Variants in VPS33B observed in about 807,000 individuals in gnomAD.
VPS33B encodes VPS33B late endosome and lysosome associated, also known as vacuolar protein sorting-associated protein 33B.
VPS33B carries 80 observed loss-of-function variants against 95.3 expected under a neutral mutation model. The observed-to-expected ratio is 0.84, with a 90% CI of 0.70 to 1.01. VPS33B has a LOEUF of 1.01. Among genes scored for constraint, VPS33B ranks in the 50% least tolerant of loss-of-function variants. The pLI is 0.00. For missense variants in VPS33B, 715 were observed against 773.4 expected, an observed-to-expected ratio of 0.92 and a Z score of 0.90; for synonymous variants, 280 against 280.4, an observed-to-expected ratio of 1.00 and a Z score of 0.01.
chr15:91,005,546 A>C lies in VPS33B; in HGVS notation c.1031-92T>G. The stretch of plus-strand genomic sequence containing the variant: ...AGAATAAAAAACCTCCTAAGGCAAA[A>C]TCCGAAAGCACTTCTTCCCACTTTA... On this transcript the variant is annotated intron_variant, in intron 13 of 22. Transcript: ENST00000333371. The surrounding 1 kb of genome is among the most constrained non-coding windows in gnomAD (Gnocchi z 6.4). 6.3e-7 allele frequency: 1 copy of C among 1,596,266 alleles called. No homozygotes were observed. Among genetic ancestry groups the C allele is most frequent in the Non-Finnish European group, 8.6e-7 (1 of 1,164,092 alleles).
At position 90,999,168 on chromosome 15, in the gene VPS33B, GAC is replaced by G; in HGVS notation, c.1775-116_1775-115del. The G allele has an allele frequency of 3.1e-6, 3 of 954,184 alleles. No individual in the cohort carries two copies. The highest frequency in any genetic ancestry group is 5.0e-6 in the Non-Finnish European group (3 of 602,844). The allele number at this position is 954,184 out of a possible 1,614,324, so 59.1% of individuals were successfully genotyped here. ...CACGGGATCACAGCACCAGTTTATA[GAC>G]AGAGACGTGAGTGCCATGCTCTTGG... On this transcript the variant is annotated intron_variant, in intron 22 of 22. Transcript: ENST00000333371. This position sits in a 1 kb window ranked among gnomAD's most constrained non-coding sequence, Gnocchi z 5.1.
intron 1 of VPS33B, 33 bp downstream of exon 1, chr15:91,022,121 T>C (rs750522986): frequency 6.4e-7 from 1 of 1,550,828 alleles, no homozygotes; most frequent in Non-Finnish European, 8.7e-7. Flanking sequence ...TGCTAAACTG[T>C]AGATGCGATA....
chr15:91,016,008 C>G (rs1037088004), intron 3 of VPS33B, among the ~76,000 whole-genome samples: 1 of 152,056 alleles, frequency 6.6e-6, no homozygotes, highest in Non-Finnish European at 1.5e-5. Context: ...AACAGCTGTA[C>G]ATGACTACAT....
At position 91,003,039 on chromosome 15, in the gene VPS33B, C is replaced by G. The variant is rs199728723; in HGVS notation, c.1272+46G>C. The G allele has an allele frequency of 8.7e-6, 14 of 1,607,518 alleles. No homozygotes were observed. The East Asian group carries it at 3.1e-4, about 36-fold the overall frequency. On this transcript the variant is annotated intron_variant, in intron 17 of 22. Coordinates refer to ENST00000333371, the MANE Select transcript of VPS33B (RefSeq NM_018668.5). ...TGCCTCTTTCAAAAATGCCCAATAA[C>G]TGCCCTCCATCAAGTTCCCTCAAGA... is the stretch of plus-strand genomic sequence containing the variant.
At chr15:91,016,599 G>GTC (rs1280304972) in intron 3 of VPS33B, among the ~76,000 whole-genome samples, 1 of 151,904 alleles carries the variant, frequency 6.6e-6, no homozygotes, top group Non-Finnish European at 1.5e-5. Context: ...AGCTAGGCTG[G>GTC]TCTCTATCTC....
rs1299531768 is a variant in VPS33B, at chr15:91,000,606, G to T, written c.1480-15C>A. The stretch of plus-strand genomic sequence containing the variant: ...ACACGTGGGATCTGTAAGACAAAGG[G>T]ACTTCATTAGGCAAGTGACAGCTCA... On this transcript the variant is annotated splice_polypyrimidine_tract_variant and intron_variant, in intron 19 of 22. Coordinates refer to ENST00000333371, the MANE Select transcript of VPS33B (RefSeq NM_018668.5). This position sits in a 1 kb window ranked among gnomAD's most constrained non-coding sequence, Gnocchi z 4.9. 1 of 1,609,526 alleles carries T rather than the reference G, an allele frequency of 6.2e-7. No individual in the cohort carries two copies. Among genetic ancestry groups the T allele is most frequent in the East Asian group, 2.2e-5 (1 of 44,692 alleles).
Position 91,004,772 on chromosome 15 carries a change from T to C in VPS33B, c.1225+105A>G, listed in dbSNP as rs1596355046. The C allele has an allele frequency of 1.9e-5, 25 of 1,306,478 alleles. No homozygotes were observed. In the East Asian group the frequency reaches 5.8e-4, roughly 30 times the overall value. 80.9% of individuals were successfully genotyped at this position (1,306,478 alleles called of 1,614,324 possible). A position where few individuals can be genotyped will look rare whatever the true frequency, so the allele number is the denominator to read the frequency against. ...GAATCCATTAAATTACAGGGAAACA[T>C]TCTGTTTGCTAAGACATTTGCCTTA... On this transcript the variant is annotated intron_variant, in intron 16 of 22. Transcript: ENST00000333371.
In VPS33B at chr15:91,022,167, T is replaced by C. The variant is rs1406261261; in HGVS notation, c.83A>G (p.Tyr28Cys). 4.5e-6 allele frequency: 7 copies of C among 1,565,506 alleles called. No individual in the cohort carries two copies. Among genetic ancestry groups the C allele is most frequent in the South Asian group, 1.2e-5 (1 of 85,308 alleles). ...LKRLARDQLI[Y>C]LLEQLPGKKD... Reference sequence around the variant, plus strand: ...GCAAGCACTGACCTGCTCCAGCAGATAGATGAGCTGGTCTCGAGCCAGCCT... The same window carrying C: ...GCAAGCACTGACCTGCTCCAGCAGACAGATGAGCTGGTCTCGAGCCAGCCT... The change falls in exon 1 of 23, where the codon TAT becomes TGT. Residue 28 changes from tyrosine (Y) to cysteine (C), a missense_variant. Coordinates refer to ENST00000333371, the MANE Select transcript of VPS33B (RefSeq NM_018668.5).
Position 91,005,971 on chromosome 15 carries a change from A to G in VPS33B, c.939+2T>C, listed in dbSNP as rs1266731513. The G allele has an allele frequency of 1.9e-6, 3 of 1,613,984 alleles. No individual in the cohort carries two copies. Among genetic ancestry groups the G allele is most frequent in the African/African-American group, 1.3e-5 (1 of 74,936 alleles). On this transcript the variant is annotated splice_donor_variant, in intron 12 of 22. Transcript: ENST00000333371. LOFTEE classifies it high-confidence loss of function. The surrounding 1 kb of genome is among the most constrained non-coding windows in gnomAD (Gnocchi z 6.4). ...ACAGAGGAGCAGGGCTTGGAGCCTCACATCATACTGGGCCTGCAAGTTCCG... is the reference window on the plus strand; with the variant it reads ...ACAGAGGAGCAGGGCTTGGAGCCTCGCATCATACTGGGCCTGCAAGTTCCG...
In VPS33B at chr15:91,018,750, AG is replaced by A. The variant is rs2041016419; in HGVS notation, c.97-866del. ...CAGCCCCCACCACAAAGAATGATCC[AG>A]CCCAAAAAGTCAACAGTATAGAGAG... On this transcript the variant is annotated intron_variant, in intron 1 of 22. Transcript: ENST00000333371. This position sits in a 1 kb window ranked among gnomAD's most constrained non-coding sequence, Gnocchi z 4.7. 6.6e-6 allele frequency among the ~76,000 whole-genome samples: 1 copy of A among 152,204 alleles called. No individual in the cohort carries two copies. The highest frequency in any genetic ancestry group is 6.5e-5 in the Admixed American group (1 of 15,276).
Position 91,000,631 on chromosome 15 carries a change from A to C in VPS33B, c.1480-40T>G. 6 of 1,576,166 alleles carry C rather than the reference A, an allele frequency of 3.8e-6. No individual in the cohort carries two copies. The highest frequency in any genetic ancestry group is 5.2e-6 in the Non-Finnish European group (6 of 1,149,354). On this transcript the variant is annotated intron_variant, in intron 19 of 22. Transcript: ENST00000333371. This position sits in a 1 kb window ranked among gnomAD's most constrained non-coding sequence, Gnocchi z 4.9. The stretch of plus-strand genomic sequence containing the variant: ...GACTTCATTAGGCAAGTGACAGCTC[A>C]GCTCCCTAACCCTTTAAAGGGTCAG...
rs1326019316 is a variant in VPS33B, at chr15:91,018,774, G to C, written c.97-889C>G. 2.0e-5 allele frequency among the ~76,000 whole-genome samples: 3 copies of C among 152,168 alleles called. No individual in the cohort carries two copies. Among genetic ancestry groups the C allele is most frequent in the Admixed American group, 1.3e-4 (2 of 15,280 alleles). On this transcript the variant is annotated intron_variant, in intron 1 of 22. Coordinates refer to ENST00000333371, the MANE Select transcript of VPS33B (RefSeq NM_018668.5). The surrounding 1 kb of genome is among the most constrained non-coding windows in gnomAD (Gnocchi z 4.7). Reference sequence around the variant, plus strand: ...CAGCCCAAAAAGTCAACAGTATAGAGAGCAGGAAATCTTTTTTTTTAAATC... The same window carrying C: ...CAGCCCAAAAAGTCAACAGTATAGACAGCAGGAAATCTTTTTTTTTAAATC...
chr15:91,019,288 T>G (rs1274287865), intron 1 of VPS33B, among the ~76,000 whole-genome samples: 1 of 151,760 alleles, frequency 6.6e-6, no homozygotes, highest in Non-Finnish European at 1.5e-5. Context: ...TGGCTAATTT[T>G]TGTATTTTTA....
rs2040587966 is a variant in VPS33B, at chr15:91,005,872, G to C, written c.940-88C>G. On this transcript the variant is annotated intron_variant, in intron 12 of 22. Transcript: ENST00000333371. The surrounding 1 kb of genome is among the most constrained non-coding windows in gnomAD (Gnocchi z 6.4). Reference sequence around the variant, plus strand: ...TCAGTTGCCATCCATCCATGAGAAAGGACAGGGAACCTGTCATAGTATTAG... The same window carrying C: ...TCAGTTGCCATCCATCCATGAGAAACGACAGGGAACCTGTCATAGTATTAG... 2 of 1,603,554 alleles carry C rather than the reference G, an allele frequency of 1.2e-6. No individual in the cohort carries two copies. The highest frequency in any genetic ancestry group is 1.3e-5 in the African/African-American group (1 of 74,708).
rs376311243 is a variant in VPS33B, at chr15:91,006,366, C to A, written c.852+6G>T. 4 of 1,614,054 alleles carry A rather than the reference C, an allele frequency of 2.5e-6. No homozygotes were observed. In the African/African-American group the frequency reaches 5.3e-5, roughly 22 times the overall value. On this transcript the variant is annotated splice_donor_region_variant and intron_variant, in intron 11 of 22. Coordinates refer to ENST00000333371, the MANE Select transcript of VPS33B (RefSeq NM_018668.5). This position sits in a 1 kb window ranked among gnomAD's most constrained non-coding sequence, Gnocchi z 5.4. ...GTGGGCCCATTGCTAGCACCCACAC[C>A]CTCACCTTGTCCTCGGCATTGAGTA...
At position 91,015,786 on chromosome 15, in the gene VPS33B, C is replaced by T. The variant is rs1378029918; in HGVS notation, c.239+1177G>A. On this transcript the variant is annotated intron_variant, in intron 3 of 22. Coordinates refer to ENST00000333371, the MANE Select transcript of VPS33B (RefSeq NM_018668.5). This position sits in a 1 kb window ranked among gnomAD's most constrained non-coding sequence, Gnocchi z 4.7. ...TCAAGGCTGCAGTGAGCTATGATTGCACCACTGCACTCCAGCCTGTGCAAC... is the reference window on the plus strand; with the variant it reads ...TCAAGGCTGCAGTGAGCTATGATTGTACCACTGCACTCCAGCCTGTGCAAC... 6.6e-6 allele frequency among the ~76,000 whole-genome samples: 1 copy of T among 152,112 alleles called. No individual in the cohort carries two copies. The highest frequency in any genetic ancestry group is 1.5e-5 in the Non-Finnish European group (1 of 68,014).
chr15:90,999,037 G>A lies in VPS33B; in HGVS notation c.1792C>T (p.Leu598=). The change falls in exon 23 of 23, where the codon CTG becomes TTG. Residue 598 remains leucine (L), a synonymous_variant. Coordinates refer to ENST00000333371, the MANE Select transcript of VPS33B (RefSeq NM_018668.5). The surrounding 1 kb of genome is among the most constrained non-coding windows in gnomAD (Gnocchi z 5.1). ...GREKGYRFIF[L]TTAVTNSARL... is the part of the protein sequence containing the mutation. ...GCGCTGTTTGTGACTGCTGTCGTCA[G>A]GAAAATGAACCTGTAGCCTAAGGAG... 6.2e-7 allele frequency: 1 copy of A among 1,614,182 alleles called. No individual in the cohort carries two copies. Among genetic ancestry groups the A allele is most frequent in the Non-Finnish European group, 8.5e-7 (1 of 1,180,026 alleles).
Position 91,009,091 on chromosome 15 carries a change from T to C in VPS33B, c.403+710A>G, listed in dbSNP as rs2040701176. Among the ~76,000 whole-genome samples, 1 of 151,894 alleles carries C rather than the reference T, an allele frequency of 6.6e-6. No homozygotes were observed. Among genetic ancestry groups the C allele is most frequent in the African/African-American group, 2.4e-5 (1 of 41,328 alleles). ...AGGGAGGGCTGTGATCAGGTTTGGG[T>C]TGTGTGGAGAATAGCGGAGGAATAC... On this transcript the variant is annotated intron_variant, in intron 6 of 22. Transcript: ENST00000333371. The surrounding 1 kb of genome is among the most constrained non-coding windows in gnomAD (Gnocchi z 4.1).
rs7164916 is a variant in VPS33B, at chr15:91,018,216, T to C, written c.97-331A>G. Among the ~76,000 whole-genome samples the C allele has an allele frequency of 0.58, 88,316 of 152,046 alleles. 29,748 individuals carry two copies. Among genetic ancestry groups the C allele is most frequent in the East Asian group, 0.99 (5,140 of 5,182 alleles). ...CTGCTGCCTCCTCCACTCTGGCTCCTAACCACCCCTGGTCTCCTGCTGAAC... is the reference window on the plus strand; with the variant it reads ...CTGCTGCCTCCTCCACTCTGGCTCCCAACCACCCCTGGTCTCCTGCTGAAC... On this transcript the variant is annotated intron_variant, in intron 1 of 22. Coordinates refer to ENST00000333371, the MANE Select transcript of VPS33B (RefSeq NM_018668.5). The surrounding 1 kb of genome is among the most constrained non-coding windows in gnomAD (Gnocchi z 4.7).
Sources: allele counts gnomAD v4.1 joint callset (sites outside exome capture counted in the v4.1 genomes callset), GRCh38; gene constraint gnomAD v4.1.1; non-coding constraint Gnocchi (gnomAD v3.1); transcripts MANE v1.5; gene names NCBI Gene and HGNC (gene_info 2026-07-23, HGNC 2026-07-21).